CLCN7: variants seen among roughly 807,000 people sequenced by gnomAD.
CLCN7 encodes the protein Cl-/H+ antiporter 7, also known as H(+)/Cl(-) exchange transporter 7.
A neutral mutation model predicts 102.1 loss-of-function variants in CLCN7; 60 were observed. The observed-to-expected ratio is 0.59, with a 90% CI of 0.48 to 0.73. CLCN7 has a LOEUF of 0.73. Among genes scored for constraint, CLCN7 ranks in the 30% least tolerant of loss-of-function variants. The probability of loss-of-function intolerance (pLI) is 0.00; values close to 1 mark genes in which losing one functional copy is unlikely to be tolerated. For synonymous variants in CLCN7, 560 were observed against 490.5 expected (o/e 1.14, Z -1.87); for missense variants, 962 against 1,125.7 (o/e 0.85, Z 2.08).
Position 1,449,256 on chromosome 16 carries a change from G to A in CLCN7, c.1669+20C>T, listed in dbSNP as rs533327044. On this transcript the variant is annotated intron_variant, in intron 18 of 24. Transcript: ENST00000382745. ...GACCCCGTGGAGCTCCCCACCCATC[G>A]GGCAAGAGCTGGGACATACCCAGCT... is the stretch of plus-strand genomic sequence containing the variant. 38 of 1,578,410 alleles carry A rather than the reference G, an allele frequency of 2.4e-5. No homozygotes were observed. Among genetic ancestry groups the A allele is most frequent in the Admixed American group, 1.1e-4 (6 of 54,688 alleles).
chr16:1,447,321 C>A, intron 23 of CLCN7, 71 bp downstream of exon 23: 1 of 1,471,112 alleles, frequency 6.8e-7, no homozygotes, highest in Non-Finnish European at 9.1e-7. Context: ...CTGCCCCTCC[C>A]CGAGGCTCTG....
rs746088004 is a variant in CLCN7, at chr16:1,460,870, T to C, written c.430A>G (p.Ile144Val). Residue 144 changes from isoleucine (I) to valine (V), a missense_variant, in exon 5 of 25, where the codon ATT becomes GTT. Transcript: ENST00000382745. ...GCCAGGTTTTCCACCACGATGTCAA[T>C]GAAGCAGGCCACGAGGCCCGTGAGG... ...GILTGLVACF[I>V]DIVVENLAGL... 5.0e-6 allele frequency: 8 copies of C among 1,613,872 alleles called. No homozygotes were observed. The highest frequency in any genetic ancestry group is 2.2e-5 in the East Asian group (1 of 44,882).
chr16:1,459,215 G>A lies in CLCN7; in HGVS notation c.595-28C>T, dbSNP rs181790055. ...GAAAGAGGGGAAGCACGGCTGAGTGGGTCACGGCCAGGCTGAGACAGATGC... is the reference window on the plus strand; with the variant it reads ...GAAAGAGGGGAAGCACGGCTGAGTGAGTCACGGCCAGGCTGAGACAGATGC... On this transcript the variant is annotated intron_variant, in intron 6 of 24. Transcript: ENST00000382745. 1,591 of 1,603,000 alleles carry A rather than the reference G, an allele frequency of 9.9e-4. 19 individuals carry two copies. The African/African-American group carries it at 0.019, about 19-fold the overall frequency.
intron 1 of CLCN7, among the ~76,000 whole-genome samples, chr16:1,473,118 TAC>T (rs2039100117): frequency 1.3e-5 from 2 of 151,606 alleles, no homozygotes; most frequent in African/African-American, 2.4e-5. Context: ...GGCATACACA[TAC>T]ACACACAGGC....
Position 1,460,943 on chromosome 16 carries a change from G to C in CLCN7, c.357C>G (p.Phe119Leu). Residue 119 changes from phenylalanine to leucine, a missense_variant, in exon 5 of 25, where the codon TTC (phenylalanine) becomes TTG (leucine). Phe to Leu is a conservative substitution (Grantham distance 22). Coordinates refer to ENST00000382745, the MANE Select transcript of CLCN7 (RefSeq NM_001287.6). The part of the protein sequence containing the change: ...EEERRINHTA[F>L]RTVEIKRWVI... ...CCCAGCGCTTGATCTCCACCGTCCG[G>C]AAGGCCTGCAGGGCGCGGTCAGGGC... The C allele has an allele frequency of 1.2e-6, 2 of 1,613,352 alleles. No individual in the cohort carries two copies.
intron 1 of CLCN7, among the ~76,000 whole-genome samples, chr16:1,471,155 T>G (rs1334898230): frequency 6.6e-6 from 1 of 152,112 alleles, no homozygotes. Flanking sequence ...CTGAAGGGCC[T>G]GGGCTTTCAG....
chr16:1,465,247 G>T lies in CLCN7; in HGVS notation c.213+20C>A, dbSNP rs145502580. 4.3e-3 allele frequency: 6,851 copies of T among 1,609,024 alleles called. 384 individuals carry two copies. In the Admixed American group the frequency reaches 0.098, roughly 23 times the overall value. On this transcript the variant is annotated intron_variant, in intron 2 of 24. Transcript: ENST00000382745. ...GATGCAGCTAGCTCTGCGGGAGGAC[G>T]GGGAACACCCCCAACTCACCGGGTC...
chr16:1,449,464 C>A, intron 17 of CLCN7, 137 bp from the exon 18 acceptor site: 1 of 769,456 alleles, frequency 1.3e-6, no homozygotes, highest in South Asian at 1.6e-5. Context: ...TACATACACA[C>A]AGAACAACCT....
intron 2 of CLCN7, 81 bp downstream of exon 2, chr16:1,465,186 G>A (rs1307366272): frequency 1.3e-5 from 18 of 1,388,102 alleles, no homozygotes; most frequent in South Asian, 7.1e-5. Context: ...TCTCCCTGCC[G>A]CTCGGCCCGT....
chr16:1,449,365 G>C, intron 17 of CLCN7, 38 bp from the exon 18 acceptor site: 1 of 1,563,390 alleles, frequency 6.4e-7, no homozygotes, highest in South Asian at 1.2e-5. Flanking sequence ...CAGTGTGGTG[G>C]CAGGCCCAAA....
rs746442657 is a variant in CLCN7, at chr16:1,465,300, G to C, written c.180C>G (p.Ser60Arg). 3.7e-5 allele frequency: 60 copies of C among 1,613,872 alleles called. No individual in the cohort carries two copies. The highest frequency in any genetic ancestry group is 5.0e-5 in the Non-Finnish European group (59 of 1,179,972). Residue 60 changes from serine to arginine, a missense_variant, in exon 2 of 25, where the codon AGC (serine) becomes AGG (arginine). This residue lies in a region of CLCN7 where 163 missense variants were observed against 137.7 expected (regional missense o/e 1.18). Transcript: ENST00000382745. ...RSALFRVGHM[S>R]SVELDDELLD... ...AAAGTTCATCATCCAGCTCCACGCT[G>C]CTCATATGTCCGACTCGGAAAAGCG...
At position 1,449,343 on chromosome 16, in the gene CLCN7, CGGA is replaced by C; in HGVS notation, c.1618-19_1618-17del. The C allele has an allele frequency of 1.3e-6, 2 of 1,577,824 alleles. No homozygotes were observed. The highest frequency in any genetic ancestry group is 1.7e-4 in the Middle Eastern group (1 of 6,010). On this transcript the variant is annotated splice_polypyrimidine_tract_variant and intron_variant, in intron 17 of 24. Coordinates refer to ENST00000382745, the MANE Select transcript of CLCN7 (RefSeq NM_001287.6). Reference sequence around the variant, plus strand: ...CCGCCCAGATCTGTGGGAGGTGACACGGAGGAGGTGTCAGTGTGGTGGCAGGCC... The same window carrying C: ...CCGCCCAGATCTGTGGGAGGTGACACGGAGGTGTCAGTGTGGTGGCAGGCC...
rs1555465532 is a variant in CLCN7, at chr16:1,457,874, CG to C, written c.676-119del. On this transcript the variant is annotated intron_variant, in intron 7 of 24. Transcript: ENST00000382745. The surrounding 1 kb of genome is among the most constrained non-coding windows in gnomAD (Gnocchi z 5.4). ...CAGAGTGGCTGGGACACGGGGCCTC[CG>C]GGAGGGGGCCAGCACCCCCAGGCTG... 1.0e-6 allele frequency: 1 copy of C among 995,614 alleles called. No individual in the cohort carries two copies. The highest frequency in any genetic ancestry group is 1.6e-6 in the Non-Finnish European group (1 of 642,952). The allele number at this position is 995,614 out of a possible 1,614,324, so 61.7% of individuals were successfully genotyped here. A position where few individuals can be genotyped will look rare whatever the true frequency, so the allele number is the denominator to read the frequency against.
At chr16:1,452,545 C>G in intron 15 of CLCN7, 3 of 601,288 alleles carry the variant, frequency 5.0e-6, no homozygotes, top group Non-Finnish European at 8.8e-6. Flanking sequence ...GGCCCCCATA[C>G]CACCGCCCAT....
In CLCN7 at chr16:1,447,077, G is replaced by A; in HGVS notation, c.2260C>T (p.Leu754Phe). Reference sequence around the variant, plus strand: ...CGGAACAGCTTGAACACCCGTGGGAGCGACGCCTCCTGCAGCAGGGGCACA... The same window carrying A: ...CGGAACAGCTTGAACACCCGTGGGAACGACGCCTCCTGCAGCAGGGGCACA... ...SPYTVPQEAS[L>F]PRVFKLFRAL... The change falls in exon 24 of 25, where the codon CTC becomes TTC. Residue 754 changes from leucine (L) to phenylalanine (F), a missense_variant. Physicochemically the swap from Leu to Phe is conservative, Grantham distance 22 (BLOSUM62 0). This residue lies in a region of CLCN7 where 799 missense variants were observed against 988.0 expected (regional missense o/e 0.81). Transcript: ENST00000382745. 1 of 1,598,964 alleles carries A rather than the reference G, an allele frequency of 6.3e-7. No homozygotes were observed.
Position 1,457,522 on chromosome 16 carries a change from C to T in CLCN7, c.738+172G>A, listed in dbSNP as rs528753112. The T allele has an allele frequency of 8.3e-5, 54 of 652,652 alleles. No individual in the cohort carries two copies. Among genetic ancestry groups the T allele is most frequent in the East Asian group, 5.0e-4 (18 of 36,008 alleles). 40.4% of individuals were successfully genotyped at this position (652,652 alleles called of 1,614,324 possible). A position where few individuals can be genotyped will look rare whatever the true frequency, so the allele number is the denominator to read the frequency against. On this transcript the variant is annotated intron_variant, in intron 8 of 24. Transcript: ENST00000382745. The surrounding 1 kb of genome is among the most constrained non-coding windows in gnomAD (Gnocchi z 5.4). ...AGAAGGACCGGTGCTCAGAGACACG[C>T]GTGACGCGGCCCTTCCTGGAGACCA...
At chr16:1,458,115 C>T (rs2038868496) in intron 7 of CLCN7, among the ~76,000 whole-genome samples, 1 of 152,242 alleles carries the variant, frequency 6.6e-6, no homozygotes, top group African/African-American at 2.4e-5. Context: ...GCTAGCCCCG[C>T]CTAGCAAGGC....
At position 1,454,009 on chromosome 16, in the gene CLCN7, G is replaced by A. The variant is rs920686866; in HGVS notation, c.1154-115C>T. 2.9e-5 allele frequency: 27 copies of A among 935,230 alleles called. No individual in the cohort carries two copies. In the African/African-American group the frequency reaches 4.2e-4, roughly 15 times the overall value. 57.9% of individuals were successfully genotyped at this position (935,230 alleles called of 1,614,324 possible). A position where few individuals can be genotyped will look rare whatever the true frequency, so the allele number is the denominator to read the frequency against. On this transcript the variant is annotated intron_variant, in intron 13 of 24. Transcript: ENST00000382745. ...GGTTTGCAGAGGGAAGGGGACGGCA[G>A]GGGGCTAGGGGGTCCTGGTAAGATG...
In CLCN7 at chr16:1,458,060, C is replaced by T. The variant is rs528285932; in HGVS notation, c.676-304G>A. Among the ~76,000 whole-genome samples, 582 of 101,282 alleles carry T rather than the reference C, an allele frequency of 5.7e-3. 2 individuals carry two copies. Among genetic ancestry groups the T allele is most frequent in the Non-Finnish European group, 8.2e-3 (388 of 47,498 alleles). 66.4% of individuals were successfully genotyped at this position (101,282 alleles called of 152,430 possible). On this transcript the variant is annotated intron_variant, in intron 7 of 24. Coordinates refer to ENST00000382745, the MANE Select transcript of CLCN7 (RefSeq NM_001287.6). ...TGGGCCGCCCACCGCATCCTACAGG[C>T]ACACCTGCCTCCGCCAGCGTGGCCA...
Sources: gnomAD v4.1 joint callset for allele counts (sites outside exome capture counted in the v4.1 genomes callset) on GRCh38, gnomAD v4.1.1 for gene constraint, gnomAD v4.1.1 regional missense constraint, Gnocchi (gnomAD v3.1) non-coding constraint, MANE v1.5 for transcripts, NCBI Gene and HGNC (gene_info 2026-07-23, HGNC 2026-07-21) for gene names.